Variants in DYNC1I1 observed in about 807,000 individuals in gnomAD.
DYNC1I1 encodes cytoplasmic dynein 1 intermediate chain 1.
Under a neutral mutation model 86.6 loss-of-function variants are expected in DYNC1I1, and 43 were observed. That is an observed-to-expected ratio of 0.50 (90% CI 0.39 to 0.64). The LOEUF (loss-of-function observed/expected upper bound fraction) is 0.64, where lower values mean the gene tolerates loss of function less well. DYNC1I1 is among the 30% of genes least tolerant of loss of function. The pLI, the probability that DYNC1I1 is intolerant of heterozygous loss-of-function variation, is 0.00. For missense variants in DYNC1I1, 604 were observed against 788.8 expected (o/e 0.77, Z 2.81); for synonymous variants, 262 against 283.7 (o/e 0.92, Z 0.77).
intron 14 of DYNC1I1, among the ~76,000 whole-genome samples, chr7:96,053,155 G>A (rs1397459527): frequency 6.6e-6 from 1 of 152,126 alleles, no homozygotes; most frequent in Non-Finnish European, 1.5e-5. Flanking sequence ...CCTTCATGAG[G>A]CTGCCCCGCC....
chr7:95,856,018 A>G (rs1789711098), intron 5 of DYNC1I1, among the ~76,000 whole-genome samples: 2 of 152,176 alleles, frequency 1.3e-5, no homozygotes, highest in African/African-American at 4.8e-5. Context: ...TGACTTTTTT[A>G]CTTTATAAGC....
At chr7:95,958,185 T>C (rs1015833906) in intron 6 of DYNC1I1, among the ~76,000 whole-genome samples, 1 of 152,146 alleles carries the variant, frequency 6.6e-6, no homozygotes, top group African/African-American at 2.4e-5. Context: ...ACCAGAACCA[T>C]AGAAAGACTC....
chr7:95,846,621 C>CTGTGTGTG (rs750813234), intron 5 of DYNC1I1, among the ~76,000 whole-genome samples: 2,893 of 119,984 alleles, frequency 0.024, 59 homozygotes, highest in Middle Eastern at 0.05. Flanking sequence ...TGATAAATCT[C>CTGTGTGTG]TCTCTCTGTG....
chr7:95,925,110 C>T (rs150597894), intron 6 of DYNC1I1, among the ~76,000 whole-genome samples: 65 of 152,304 alleles, frequency 4.3e-4, no homozygotes, highest in African/African-American at 1.4e-3. Context: ...AGTATCTGCT[C>T]ACCATCCCAT....
chr7:95,857,798 A>G (rs1352021087), intron 5 of DYNC1I1, among the ~76,000 whole-genome samples: 1 of 152,174 alleles, frequency 6.6e-6, no homozygotes, highest in African/African-American at 2.4e-5. Flanking sequence ...AAATTCTTCA[A>G]CTGTCTTCAC....
intron 14 of DYNC1I1, among the ~76,000 whole-genome samples, chr7:96,045,961 A>G (rs777607041): frequency 1.3e-5 from 2 of 152,206 alleles, no homozygotes; most frequent in Non-Finnish European, 2.9e-5. Context: ...TTCTAGCACA[A>G]TGAGGTTAGC....
intron 4 of DYNC1I1, among the ~76,000 whole-genome samples, chr7:95,820,951 C>T (rs2618974): frequency 0.53 from 80,515 of 152,040 alleles, 22,244 homozygotes; most frequent in African/African-American, 0.7. Flanking sequence ...AACTCTCCTG[C>T]GGCCATGTAG....
intron 6 of DYNC1I1, among the ~76,000 whole-genome samples, chr7:95,903,020 T>C (rs1791081009): frequency 6.6e-6 from 1 of 152,194 alleles, no homozygotes; most frequent in African/African-American, 2.4e-5. Context: ...ATTAATTTAG[T>C]TGAGCCTTGT....
intron 6 of DYNC1I1, among the ~76,000 whole-genome samples, chr7:95,909,928 T>A (rs1039955991): frequency 2.6e-5 from 4 of 152,136 alleles, no homozygotes; most frequent in Non-Finnish European, 4.4e-5. Flanking sequence ...TCTCTCTCTT[T>A]CTCAGATGGT....
intron 14 of DYNC1I1, among the ~76,000 whole-genome samples, chr7:96,075,290 CCA>C (rs1790296322): frequency 6.6e-6 from 1 of 151,336 alleles, no homozygotes; most frequent in Non-Finnish European, 1.5e-5. Context: ...TAACGCATTT[CCA>C]CACACACACC....
chr7:96,035,589 T>C, intron 12 of DYNC1I1, 30 bp from the exon 13 acceptor site: 1 of 1,550,516 alleles, frequency 6.4e-7, no homozygotes, highest in Non-Finnish European at 8.7e-7. Flanking sequence ...AGTTGACAGA[T>C]GGAAATGTAA....
chr7:95,912,301 T>G (rs1791358158), intron 6 of DYNC1I1, among the ~76,000 whole-genome samples: 1 of 152,202 alleles, frequency 6.6e-6, no homozygotes. Context: ...CCTCCCAAAG[T>G]GCTGGGATTA....
At chr7:95,778,979 A>T (rs1243283527) in intron 1 of DYNC1I1, among the ~76,000 whole-genome samples, 1 of 152,036 alleles carries the variant, frequency 6.6e-6, no homozygotes, top group Non-Finnish European at 1.5e-5. Context: ...AAGTTTTTAG[A>T]TCAGTTGTTC....
At chr7:95,913,434 C>A (rs986787524) in intron 6 of DYNC1I1, among the ~76,000 whole-genome samples, 3 of 152,050 alleles carry the variant, frequency 2.0e-5, no homozygotes, top group Non-Finnish European at 2.9e-5. Context: ...ATGGATGGGA[C>A]CCTGTTGGAG....
At chr7:96,104,003 T>C (rs906629265) in intron 16 of DYNC1I1, among the ~76,000 whole-genome samples, 3 of 152,202 alleles carry the variant, frequency 2.0e-5, no homozygotes, top group Non-Finnish European at 2.9e-5. Context: ...TGAAATGGTA[T>C]CTAGCTGTGG....
At chr7:96,011,649 G>A (rs1794278444) in intron 10 of DYNC1I1, among the ~76,000 whole-genome samples, 1 of 152,164 alleles carries the variant, frequency 6.6e-6, no homozygotes, top group African/African-American at 2.4e-5. Context: ...TGGTATCACT[G>A]CCAATTTTAA....
chr7:95,934,508 A>AT (rs1184861412), intron 6 of DYNC1I1, among the ~76,000 whole-genome samples: 1 of 152,180 alleles, frequency 6.6e-6, no homozygotes, highest in Non-Finnish European at 1.5e-5. Flanking sequence ...ATATCCACAA[A>AT]TAAAATGGTA....
At position 95,983,784 on chromosome 7, in the gene DYNC1I1, G is replaced by C. The variant is rs1231979952; in HGVS notation, c.581-1031G>C. 7.2e-5 allele frequency among the ~76,000 whole-genome samples: 11 copies of C among 152,202 alleles called. No homozygotes were observed. The East Asian group carries it at 2.1e-3, about 29-fold the overall frequency. ...CTGTAGGTGAGTGATTCCACCAGAG[G>C]CTCCACCTGTGATTGTAATGCACTA... On this transcript the variant is annotated intron_variant, in intron 7 of 16. Coordinates refer to ENST00000447467, the MANE Select transcript of DYNC1I1 (RefSeq NM_001135556.2).
At chr7:95,997,244 C>G (rs1187939422) in intron 10 of DYNC1I1, among the ~76,000 whole-genome samples, 1 of 151,892 alleles carries the variant, frequency 6.6e-6, no homozygotes, top group Non-Finnish European at 1.5e-5. Context: ...TTCAAGTCAG[C>G]TTGATATGCT....
Sources: gnomAD v4.1 joint callset for allele counts (sites outside exome capture counted in the v4.1 genomes callset) on GRCh38, gnomAD v4.1.1 for gene constraint, MANE v1.5 for transcripts, NCBI Gene and HGNC (gene_info 2026-07-23, HGNC 2026-07-21) for gene names.